CAGE1: variants seen among roughly 807,000 people sequenced by gnomAD.
The protein encoded by CAGE1 is cancer-associated gene 1 protein.
Under a neutral mutation model 94.9 loss-of-function variants are expected in CAGE1, and 66 were observed. The observed-to-expected ratio is 0.70, with a 90% confidence interval of 0.57 to 0.85. The LOEUF (loss-of-function observed/expected upper bound fraction) is 0.85, where lower values mean the gene tolerates loss of function less well. CAGE1 is among the 40% of genes least tolerant of loss of function. The pLI, the probability that CAGE1 is intolerant of heterozygous loss-of-function variation, is 0.00. For synonymous variants in CAGE1, 319 were observed against 321.0 expected, an observed-to-expected ratio of 0.99 and a Z score of 0.07; for missense variants, 865 against 950.4, an observed-to-expected ratio of 0.91 and a Z score of 1.18.
In CAGE1 at chr6:7,373,202, T is replaced by C; in HGVS notation, c.1617A>G (p.Glu539=). Residue 539 remains glutamate, a synonymous_variant, in exon 5 of 14, where the codon GAA becomes GAG. Transcript: ENST00000502583. ...TAAGTTTTGCATTCTCATTTTTTACTTCGTTGATTTGCTGCTGAAGTTTTA... is the reference window on the plus strand; with the variant it reads ...TAAGTTTTGCATTCTCATTTTTTACCTCGTTGATTTGCTGCTGAAGTTTTA... ...KNIKLQQQIN[E]VKNENAKLKQ... is the part of the protein sequence containing the mutation. The C allele has an allele frequency of 6.2e-7, 1 of 1,613,152 alleles. No homozygotes were observed.
At chr6:7,365,731 A>G in intron 8 of CAGE1, 73 bp downstream of exon 8, 1 of 1,335,992 alleles carries the variant, frequency 7.5e-7, no homozygotes, top group Non-Finnish European at 1.0e-6. Context: ...CAACAAATTT[A>G]CCAAAAGAAC....
chr6:7,369,671 A>G (rs188934265), intron 6 of CAGE1, among the ~76,000 whole-genome samples: 1 of 152,304 alleles, frequency 6.6e-6, no homozygotes, highest in Non-Finnish European at 1.5e-5. Flanking sequence ...TACTTAATAA[A>G]GGGTTCTTTT....
At chr6:7,381,529 T>C (rs9392152) in intron 3 of CAGE1, among the ~76,000 whole-genome samples, 4,704 of 141,246 alleles carry the variant, frequency 0.033, 394 homozygotes, top group East Asian at 0.3. Context: ...GTTTTTCTAT[T>C]ACGTGCCTTT....
chr6:7,356,211 C>T, intron 9 of CAGE1, 82 bp from the exon 10 acceptor site: 1 of 732,576 alleles, frequency 1.4e-6, no homozygotes, highest in Admixed American at 2.4e-5. Context: ...AATGAGAAAA[C>T]TGAGCAATAC....
chr6:7,330,112 T>C (rs986264128), intron 12 of CAGE1, among the ~76,000 whole-genome samples: 6 of 152,074 alleles, frequency 3.9e-5, no homozygotes, highest in African/African-American at 1.4e-4. Context: ...ATGAGGCAGG[T>C]TGCGGTGGCT....
chr6:7,355,052 G>C lies in CAGE1; in HGVS notation c.2358C>G (p.Ser786=). The change falls in exon 11 of 14, where the codon TCC becomes TCG. Residue 786 remains serine (S), a synonymous_variant. Coordinates refer to ENST00000502583, the MANE Select transcript of CAGE1 (RefSeq NM_001170692.2). ...TTTTTTCAACTTACTGTGCAATCTG[G>C]GAGTGGGATATTGCAAGCCTTTGGT... ...CADQRLAISH[S]QIAHLEERNK... is the part of the protein sequence containing the mutation. 1 of 1,604,596 alleles carries C rather than the reference G, an allele frequency of 6.2e-7. No homozygotes were observed. Among genetic ancestry groups the C allele is most frequent in the Non-Finnish European group, 8.5e-7 (1 of 1,173,862 alleles).
chr6:7,378,831 T>G lies in CAGE1; in HGVS notation c.473A>C (p.Gln158Pro), dbSNP rs761650545. The change falls in exon 4 of 14, where the codon CAA becomes CCA. Residue 158 changes from glutamine to proline, a missense_variant. Physicochemically the swap from Gln to Pro is moderately conservative, Grantham distance 76. Transcript: ENST00000502583. Reference sequence around the variant, plus strand: ...TGGATTTTCTTCCTTAAATGAGTCTTGCTTTATATTGTTGTCTTTTGCATA... The same window carrying G: ...TGGATTTTCTTCCTTAAATGAGTCTGGCTTTATATTGTTGTCTTTTGCATA... ...YNYAKDNNIKQDSFKEENPME... is the reference protein window; with the variant it reads ...YNYAKDNNIKPDSFKEENPME... 5.6e-6 allele frequency: 9 copies of G among 1,613,188 alleles called. No individual in the cohort carries two copies. Among genetic ancestry groups the G allele is most frequent in the Non-Finnish European group, 7.6e-6 (9 of 1,179,494 alleles).
chr6:7,341,555 T>G, intron 11 of CAGE1: 1 of 1,215,142 alleles, frequency 8.2e-7, no homozygotes, highest in Non-Finnish European at 1.2e-6. Flanking sequence ...CCTCGGACCT[T>G]TTTCCTCTCA....
At chr6:7,349,055 A>C (rs1300074201) in intron 11 of CAGE1, among the ~76,000 whole-genome samples, 1 of 152,230 alleles carries the variant, frequency 6.6e-6, no homozygotes, top group East Asian at 1.9e-4. Context: ...CAAGAAGCAC[A>C]AAAAACACCT....
intron 11 of CAGE1, 75 bp from the exon 12 acceptor site, chr6:7,334,165 G>A: frequency 4.8e-6 from 4 of 839,736 alleles, no homozygotes; most frequent in Non-Finnish European, 7.4e-6. Context: ...ATTCACTGGA[G>A]GATTTTAGTA....
intron 3 of CAGE1, among the ~76,000 whole-genome samples, chr6:7,385,262 C>T (rs990590487): frequency 1.3e-5 from 2 of 152,018 alleles, no homozygotes; most frequent in African/African-American, 4.8e-5. Context: ...GCCTCAGCCT[C>T]CCAAAGTGCT....
intron 10 of CAGE1, among the ~76,000 whole-genome samples, chr6:7,355,781 T>A (rs373090720): frequency 1.3e-5 from 2 of 152,166 alleles, no homozygotes; most frequent in South Asian, 2.1e-4. Flanking sequence ...GCAGAAGGAT[T>A]GCTTGAGACC....
At chr6:7,330,029 A>G in intron 12 of CAGE1, 141 bp from the exon 13 acceptor site, 1 of 566,724 alleles carries the variant, frequency 1.8e-6, no homozygotes, top group East Asian at 2.9e-5. Context: ...GAACTATGAG[A>G]CCCTCAGAGA....
rs1315856827 is a variant in CAGE1 at position 7,362,544 on chromosome 6, G to C, written c.2193+2924C>G. On this transcript the variant is annotated intron_variant, in intron 9 of 13. Transcript: ENST00000502583. This position sits in a 1 kb window ranked among gnomAD's most constrained non-coding sequence, Gnocchi z 4.1. ...GATGGAGGAGGCCAGGCTGTGAATG[G>C]AGCAGATGGCAGGGTCAGAACTGTG... is the stretch of plus-strand genomic sequence containing the variant. Among the ~76,000 whole-genome samples the C allele has an allele frequency of 6.6e-6, 1 of 152,180 alleles. No homozygotes were observed.
In CAGE1 at chr6:7,378,957, G is replaced by T; in HGVS notation, c.347C>A (p.Ser116Tyr). The T allele has an allele frequency of 6.3e-7, 1 of 1,578,186 alleles. No homozygotes were observed. The highest frequency in any genetic ancestry group is 8.6e-7 in the Non-Finnish European group (1 of 1,160,280). Residue 116 changes from serine to tyrosine, a missense_variant, in exon 4 of 14, where the codon TCT becomes TAT. Ser to Tyr is a moderately radical substitution (Grantham distance 144, BLOSUM62 -2). Coordinates refer to ENST00000502583, the MANE Select transcript of CAGE1 (RefSeq NM_001170692.2). ...AACGGTTTCAAATTGTCTCAAGGAA[G>T]ATATGCTGATGGTGTCAACTGGCTG... is the stretch of plus-strand genomic sequence containing the variant. ...LIQPVDTISI[S>Y]SLRQFETVCK... is the part of the protein sequence containing the mutation.
chr6:7,382,329 G>A (rs1436696330), intron 3 of CAGE1, among the ~76,000 whole-genome samples: 4 of 151,624 alleles, frequency 2.6e-5, no homozygotes, highest in Non-Finnish European at 5.9e-5. Context: ...TTGAGACAGA[G>A]TCTCACTCTG....
chr6:7,340,193 C>T (rs116625033), intron 11 of CAGE1, among the ~76,000 whole-genome samples: 1,729 of 152,148 alleles, frequency 0.011, 29 homozygotes, highest in African/African-American at 0.039. Flanking sequence ...TTTTTTCATA[C>T]GTTTGTTGGC....
At chr6:7,364,303 T>C (rs80344708) in intron 9 of CAGE1, among the ~76,000 whole-genome samples, 1,527 of 152,308 alleles carry the variant, frequency 0.01, 55 homozygotes, top group East Asian at 0.068. Context: ...TTGTACCTCT[T>C]CTCTAAAAAC....
In CAGE1 at chr6:7,339,539, C is replaced by A; in HGVS notation, c.2370-5449G>T. On this transcript the variant is annotated intron_variant, in intron 11 of 13. Coordinates refer to ENST00000502583, the MANE Select transcript of CAGE1 (RefSeq NM_001170692.2). The surrounding 1 kb of genome is among the most constrained non-coding windows in gnomAD (Gnocchi z 4.7). ...CTTAGAAGATGCCATCAGTGACAAA[C>A]TTCCTCTTCTTGGAAATTTGTAAGG... is the stretch of plus-strand genomic sequence containing the variant. 2.5e-6 allele frequency: 2 copies of A among 786,392 alleles called. No homozygotes were observed. The highest frequency in any genetic ancestry group is 4.8e-5 in the East Asian group (2 of 41,250). 48.7% of individuals were successfully genotyped at this position (786,392 alleles called of 1,614,324 possible). A position where few individuals can be genotyped will look rare whatever the true frequency, so the allele number is the denominator to read the frequency against.
Sources: allele counts gnomAD v4.1 joint callset (sites outside exome capture counted in the v4.1 genomes callset), GRCh38; gene constraint gnomAD v4.1.1; non-coding constraint Gnocchi (gnomAD v3.1); transcripts MANE v1.5; gene names NCBI Gene and HGNC (gene_info 2026-07-23, HGNC 2026-07-21).